The following ZBTB20 variants were observed in gnomAD, a reference collection of about 807,000 sequenced individuals.
ZBTB20 encodes zinc finger and BTB domain containing 20.
In ZBTB20, 9 loss-of-function variants were observed where a neutral mutation model predicts 56.9. The ratio of observed to expected loss-of-function variants is 0.16; its 90% CI spans 0.10 to 0.28. ZBTB20 has a LOEUF of 0.28. ZBTB20 is among the 10% of genes least tolerant of loss of function. The pLI, the probability that ZBTB20 is intolerant of heterozygous loss-of-function variation, is 1.00. For synonymous variants in ZBTB20, 417 were observed against 420.7 expected (o/e 0.99, Z 0.11); for missense variants, 655 against 1,003.0 (o/e 0.65, Z 4.69).
At chr3:114,899,267 A>C (rs2075011815) in intron 4 of ZBTB20, among the ~76,000 whole-genome samples, 1 of 152,116 alleles carries the variant, frequency 6.6e-6, no homozygotes, top group Admixed American at 6.6e-5. Context: ...ATTATCTTAC[A>C]ATATACCCTT....
chr3:114,749,285 G>T (rs560145261), intron 5 of ZBTB20, among the ~76,000 whole-genome samples: 89 of 152,242 alleles, frequency 5.8e-4, no homozygotes, highest in Non-Finnish European at 8.2e-4. Flanking sequence ...TGGGTGCGGT[G>T]GCTCAAGCCT....
At chr3:114,554,452 G>T (rs1252258817) in intron 6 of ZBTB20, among the ~76,000 whole-genome samples, 1 of 151,948 alleles carries the variant, frequency 6.6e-6, no homozygotes, top group African/African-American at 2.4e-5. Flanking sequence ...TTTCAGAATT[G>T]GTCTCTTTGC....
chr3:114,580,779 A>G (rs2054565723), intron 6 of ZBTB20, among the ~76,000 whole-genome samples: 1 of 151,946 alleles, frequency 6.6e-6, no homozygotes, highest in South Asian at 2.1e-4. Context: ...GGAAATTTTA[A>G]AACATGATTA....
At chr3:115,053,434 C>A (rs1328546965) in intron 2 of ZBTB20, among the ~76,000 whole-genome samples, 8 of 152,134 alleles carry the variant, frequency 5.3e-5, no homozygotes, top group Non-Finnish European at 1.2e-4. Context: ...TGCTCACATC[C>A]TGAGAAGTAA....
intron 6 of ZBTB20, among the ~76,000 whole-genome samples, chr3:114,532,846 C>G (rs1402637777): frequency 1.3e-5 from 2 of 152,166 alleles, no homozygotes; most frequent in African/African-American, 4.8e-5. Flanking sequence ...CCCAGGCAAA[C>G]AGGGTCTGGA....
At chr3:114,751,939 T>A (rs952535130) in intron 5 of ZBTB20, among the ~76,000 whole-genome samples, 1 of 151,980 alleles carries the variant, frequency 6.6e-6, no homozygotes, top group African/African-American at 2.4e-5. Context: ...AATAATGGAG[T>A]TGTACTGGAC....
intron 7 of ZBTB20, among the ~76,000 whole-genome samples, chr3:114,424,145 C>T (rs2089440162): frequency 6.6e-6 from 1 of 152,182 alleles, no homozygotes; most frequent in South Asian, 2.1e-4. Flanking sequence ...TGTCACATAA[C>T]AACCTTAATT....
rs543541412 is a variant in ZBTB20 at position 114,993,813 on chromosome 3, C to T, written c.-506-19397G>A. 4.6e-5 allele frequency among the ~76,000 whole-genome samples: 7 copies of T among 151,260 alleles called. No homozygotes were observed. In the South Asian group the frequency reaches 8.3e-4, roughly 18 times the overall value. ...ATGCATATATTAGATTTTTTAAATA[C>T]GTAAAATTAATTAGTTTAGGATCTC... is the stretch of plus-strand genomic sequence containing the variant. On this transcript the variant is annotated intron_variant, in intron 2 of 11. Coordinates refer to ENST00000675478, the MANE Select transcript of ZBTB20 (RefSeq NM_001348800.3).
chr3:114,815,398 GAC>G (rs765391827), intron 4 of ZBTB20, among the ~76,000 whole-genome samples: 3 of 152,162 alleles, frequency 2.0e-5, no homozygotes, highest in South Asian at 2.1e-4. Context: ...ATAGTCTGAT[GAC>G]ACAGAGACAA....
chr3:115,017,595 G>C (rs114127586), intron 2 of ZBTB20, among the ~76,000 whole-genome samples: 1 of 151,488 alleles, frequency 6.6e-6, no homozygotes, highest in Non-Finnish European at 1.5e-5. Flanking sequence ...CTGTCACAGA[G>C]AGATGTGAAT....
chr3:115,017,234 C>A (rs61839497), intron 2 of ZBTB20, among the ~76,000 whole-genome samples: 1 of 151,408 alleles, frequency 6.6e-6, no homozygotes, highest in African/African-American at 2.4e-5. Context: ...TATACACCAA[C>A]AACAGGCAAG....
chr3:114,764,760 T>C (rs2068673015), intron 5 of ZBTB20, among the ~76,000 whole-genome samples: 1 of 152,176 alleles, frequency 6.6e-6, no homozygotes, highest in Non-Finnish European at 1.5e-5. Context: ...AAATAATATA[T>C]TGGTACCTTA....
intron 3 of ZBTB20, among the ~76,000 whole-genome samples, chr3:114,919,387 A>T (rs1292174790): frequency 6.6e-6 from 1 of 152,160 alleles, no homozygotes; most frequent in Non-Finnish European, 1.5e-5. Context: ...AAAAGAAGAC[A>T]GCAAGATTGG....
At chr3:114,865,844 C>T (rs928636334) in intron 4 of ZBTB20, among the ~76,000 whole-genome samples, 3 of 151,998 alleles carry the variant, frequency 2.0e-5, no homozygotes, top group Admixed American at 6.6e-5. Context: ...TATGTGACTC[C>T]GGGAAAGATA....
Position 114,318,110 on chromosome 3 carries a change from C to T in ZBTB20, c.*20895G>A, listed in dbSNP as rs959604536. The T allele has an allele frequency of 2.6e-5, 4 of 152,126 alleles. No homozygotes were observed. The highest frequency in any genetic ancestry group is 5.9e-5 in the Non-Finnish European group (4 of 68,016). 9.4% of individuals were successfully genotyped at this position (152,126 alleles called of 1,614,324 possible). A position where few individuals can be genotyped will look rare whatever the true frequency, so the allele number is the denominator to read the frequency against. On this transcript the variant is annotated 3_prime_UTR_variant, in exon 12 of 12. Transcript: ENST00000675478. Reference sequence around the variant, plus strand: ...CAGCCAAATGATTTTTTAAAAAAATCACAGTTTTTAAAAATTATTTTTTCA... The same window carrying T: ...CAGCCAAATGATTTTTTAAAAAAATTACAGTTTTTAAAAATTATTTTTTCA...
At chr3:114,493,184 C>T (rs78402325) in intron 7 of ZBTB20, among the ~76,000 whole-genome samples, 1,668 of 152,204 alleles carry the variant, frequency 0.011, 26 homozygotes, top group African/African-American at 0.033. Flanking sequence ...TGATTAAAAC[C>T]AGTTATTGTA....
intron 7 of ZBTB20, among the ~76,000 whole-genome samples, chr3:114,455,060 G>GA (rs893161944): frequency 3.6e-5 from 5 of 137,754 alleles, no homozygotes; most frequent in African/African-American, 1.3e-4. Flanking sequence ...GAGAGGGGGG[G>GA]GAGAGAGAGA....
At chr3:115,127,918 A>G (rs1192359218) in intron 1 of ZBTB20, among the ~76,000 whole-genome samples, 2 of 152,218 alleles carry the variant, frequency 1.3e-5, no homozygotes, top group East Asian at 1.9e-4. Flanking sequence ...AAGAATTAAG[A>G]GAAGATCGCT....
chr3:114,641,429 T>C (rs2107917361), intron 6 of ZBTB20, among the ~76,000 whole-genome samples: 1 of 151,876 alleles, frequency 6.6e-6, no homozygotes, highest in East Asian at 1.9e-4. Context: ...GTATAATATA[T>C]ACCACTTATA....
Sources: allele counts gnomAD v4.1 joint callset (sites outside exome capture counted in the v4.1 genomes callset), GRCh38; gene constraint gnomAD v4.1.1; transcripts MANE v1.5; gene names NCBI Gene and HGNC (gene_info 2026-07-23, HGNC 2026-07-21).